Variants in DNAI1 observed in about 807,000 individuals in gnomAD.
The protein encoded by DNAI1 is dynein, axonemal, intermediate polypeptide 1.
A neutral mutation model predicts 92.0 loss-of-function variants in DNAI1; 67 were observed. The ratio of observed to expected loss-of-function variants is 0.73; its 90% confidence interval spans 0.60 to 0.89. The LOEUF is 0.89. Ranked by LOEUF, DNAI1 falls within the 40% of genes least tolerant of loss-of-function variation. The pLI is 0.00. For synonymous variants in DNAI1, 323 were observed against 319.6 expected (o/e 1.01, Z -0.11); for missense variants, 839 against 866.6 (o/e 0.97, Z 0.40).
At chr9:34,499,058 G>T (rs1342512525) in intron 10 of DNAI1, among the ~76,000 whole-genome samples, 1 of 152,178 alleles carries the variant, frequency 6.6e-6, no homozygotes, top group Non-Finnish European at 1.5e-5. Context: ...AAAATGTATT[G>T]AACTTTGATT....
intron 13 of DNAI1, among the ~76,000 whole-genome samples, chr9:34,511,122 G>A (rs1564041222): frequency 2.0e-5 from 3 of 152,220 alleles, no homozygotes; most frequent in South Asian, 2.1e-4. Flanking sequence ...GGGACAGGAC[G>A]GTGGTCCCAG....
intron 10 of DNAI1, among the ~76,000 whole-genome samples, chr9:34,497,443 T>C (rs1824749228): frequency 1.3e-5 from 2 of 152,194 alleles, no homozygotes; most frequent in Non-Finnish European, 2.9e-5. Flanking sequence ...TACCTGCACA[T>C]GGGTGATCCA....
At chr9:34,481,093 T>A (rs1824343757) in intron 1 of DNAI1, among the ~76,000 whole-genome samples, 1 of 150,962 alleles carries the variant, frequency 6.6e-6, no homozygotes, top group Non-Finnish European at 1.5e-5. Context: ...ATACAAAAAT[T>A]AGCCGGGCGT....
At chr9:34,505,603 G>A (rs901970474) in intron 12 of DNAI1, among the ~76,000 whole-genome samples, 2 of 152,206 alleles carry the variant, frequency 1.3e-5, no homozygotes, top group Non-Finnish European at 2.9e-5. Flanking sequence ...GACTTAATAA[G>A]GGAGTCATTA....
intron 1 of DNAI1, among the ~76,000 whole-genome samples, chr9:34,478,228 T>C (rs1041787899): frequency 1.2e-4 from 19 of 152,106 alleles, no homozygotes; most frequent in Non-Finnish European, 5.9e-5. Flanking sequence ...AAAAGTAGAT[T>C]TGAGCTTTAT....
At chr9:34,496,418 C>G (rs1163956112) in intron 9 of DNAI1, among the ~76,000 whole-genome samples, 1 of 152,250 alleles carries the variant, frequency 6.6e-6, no homozygotes, top group Non-Finnish European at 1.5e-5. Context: ...AAACTCTTTG[C>G]TCTTCTGTCA....
intron 1 of DNAI1, among the ~76,000 whole-genome samples, chr9:34,474,220 T>C (rs1396054703): frequency 6.6e-6 from 1 of 152,048 alleles, no homozygotes; most frequent in African/African-American, 2.4e-5. Flanking sequence ...TATTCAGGTG[T>C]GACTATTTCT....
chr9:34,459,559 C>T (rs1289028018), intron 1 of DNAI1, among the ~76,000 whole-genome samples: 1 of 152,028 alleles, frequency 6.6e-6, no homozygotes, highest in East Asian at 1.9e-4. Flanking sequence ...GATTCTCCCA[C>T]TTCAGCCTGA....
intron 19 of DNAI1, among the ~76,000 whole-genome samples, chr9:34,517,811 C>A (rs911288241): frequency 6.6e-6 from 1 of 152,168 alleles, no homozygotes; most frequent in Non-Finnish European, 1.5e-5. Context: ...AGGCAGGGGG[C>A]CTGGGGCTGA....
chr9:34,479,965 TCCCTCTCTTTGCATTTGGGAAACTGACTC>T (rs1243835401), intron 1 of DNAI1, among the ~76,000 whole-genome samples: 1 of 152,140 alleles, frequency 6.6e-6, no homozygotes, highest in Non-Finnish European at 1.5e-5. Flanking sequence ...CTAGTCTAAC[TCCCTCTCTTTGCATTTGGGAAACTGACTC>T]CCCTCTCTTT....
At chr9:34,461,183 G>A (rs1001431178) in intron 1 of DNAI1, among the ~76,000 whole-genome samples, 2 of 151,992 alleles carry the variant, frequency 1.3e-5, no homozygotes, top group Non-Finnish European at 2.9e-5. Flanking sequence ...CACCATATTG[G>A]TCAGGCTGGT....
chr9:34,482,719 G>C (rs1053530581), intron 1 of DNAI1, among the ~76,000 whole-genome samples: 4 of 152,386 alleles, frequency 2.6e-5, no homozygotes, highest in Admixed American at 1.3e-4. Flanking sequence ...ATCCCCCACC[G>C]GGGCTGCAGG....
chr9:34,481,320 A>G (rs1824349762), intron 1 of DNAI1, among the ~76,000 whole-genome samples: 1 of 152,256 alleles, frequency 6.6e-6, no homozygotes, highest in African/African-American at 2.4e-5. Flanking sequence ...TGCTTTAAAA[A>G]TATTTGTTGA....
At chr9:34,491,357 C>T (rs990316378) in intron 7 of DNAI1, 138 bp from the exon 8 acceptor site, 3 of 820,740 alleles carry the variant, frequency 3.7e-6, no homozygotes, top group Non-Finnish European at 6.3e-6. Flanking sequence ...TTCACCCAAG[C>T]CCCTCTTTAC....
At chr9:34,491,614 T>G in intron 8 of DNAI1, 60 bp downstream of exon 8, 5 of 1,591,950 alleles carry the variant, frequency 3.1e-6, no homozygotes, top group Non-Finnish European at 4.3e-6. Flanking sequence ...CCTTTCCTCA[T>G]TTAGCAGCAA....
At chr9:34,467,440 T>TATAC (rs4008470) in intron 1 of DNAI1, among the ~76,000 whole-genome samples, 60 of 137,378 alleles carry the variant, frequency 4.4e-4, no homozygotes, top group Non-Finnish European at 8.0e-4. Flanking sequence ...TCTACACAAA[T>TATAC]ACACACACAC....
Position 34,481,260 on chromosome 9 carries a change from G to GT in DNAI1, c.49-2181dup, listed in dbSNP as rs760414107. 4.6e-5 allele frequency among the ~76,000 whole-genome samples: 7 copies of GT among 152,148 alleles called. No individual in the cohort carries two copies. The East Asian group carries it at 1.3e-3, about 29-fold the overall frequency. On this transcript the variant is annotated intron_variant, in intron 1 of 19. Coordinates refer to ENST00000242317, the MANE Select transcript of DNAI1 (RefSeq NM_012144.4). ...TCTGTCTCAAAATAGTAATAATAATGTTTTTTTAAATCTCTTTATTGCCTG... is the reference window on the plus strand; with the variant it reads ...TCTGTCTCAAAATAGTAATAATAATGTTTTTTTTAAATCTCTTTATTGCCTG...
At chr9:34,520,342 T>A (rs1825250417) in intron 19 of DNAI1, among the ~76,000 whole-genome samples, 1 of 152,192 alleles carries the variant, frequency 6.6e-6, no homozygotes, top group Non-Finnish European at 1.5e-5. Flanking sequence ...TGGATTTCCC[T>A]GGCCTGGAAG....
chr9:34,501,688 G>C (rs975182305), intron 12 of DNAI1, among the ~76,000 whole-genome samples: 3 of 152,028 alleles, frequency 2.0e-5, no homozygotes, highest in Non-Finnish European at 2.9e-5. Flanking sequence ...CCCAAGGAGA[G>C]ATGGCAGGAC....
Sources: gnomAD v4.1 joint callset for allele counts (sites outside exome capture counted in the v4.1 genomes callset) on GRCh38, gnomAD v4.1.1 for gene constraint, MANE v1.5 for transcripts, NCBI Gene and HGNC (gene_info 2026-07-23, HGNC 2026-07-21) for gene names.